FAM168B: variants seen among roughly 807,000 people sequenced by gnomAD.
FAM168B encodes family with sequence similarity 168 member B, also known as myelin-associated neurite-outgrowth inhibitor.
FAM168B carries 19 observed loss-of-function variants against 21.8 expected under a neutral mutation model. The ratio of observed to expected loss-of-function variants is 0.87; its 90% CI spans 0.61 to 1.28. The LOEUF (loss-of-function observed/expected upper bound fraction) is 1.28. Among genes scored for constraint, FAM168B ranks in the 50% most tolerant of loss-of-function variants. The probability of loss-of-function intolerance (pLI) is 0.00; values close to 1 mark genes in which losing one functional copy is unlikely to be tolerated. For synonymous variants in FAM168B, 126 were observed against 104.8 expected (o/e 1.20, Z -1.24); for missense variants, 233 against 263.1 (o/e 0.89, Z 0.79).
At chr2:131,073,000 C>G (rs1269368527) in intron 2 of FAM168B, among the ~76,000 whole-genome samples, 1 of 152,152 alleles carries the variant, frequency 6.6e-6, no homozygotes, top group African/African-American at 2.4e-5. Flanking sequence ...CCGACATTTC[C>G]TACATTACAT....
At chr2:131,060,569 T>C (rs751227984) in intron 3 of FAM168B, among the ~76,000 whole-genome samples, 6 of 152,284 alleles carry the variant, frequency 3.9e-5, no homozygotes, top group Non-Finnish European at 7.4e-5. Flanking sequence ...TTTTAAAACT[T>C]AGGGGGTAAC....
At position 131,048,003 on chromosome 2, in the gene FAM168B, G is replaced by A. The variant is rs556049785; in HGVS notation, c.*4462C>T. Reference sequence around the variant, plus strand: ...TCAGATTGCATAAAAAATTAAAATAGTATCAATTGACACCTAACTGAACTG... The same window carrying A: ...TCAGATTGCATAAAAAATTAAAATAATATCAATTGACACCTAACTGAACTG... On this transcript the variant is annotated 3_prime_UTR_variant, in exon 7 of 7. Transcript: ENST00000389915. 132 of 290,832 alleles carry A rather than the reference G, an allele frequency of 4.5e-4. No homozygotes were observed. Among genetic ancestry groups the A allele is most frequent in the Non-Finnish European group, 8.0e-4 (123 of 153,678 alleles). 18.0% of individuals were successfully genotyped at this position (290,832 alleles called of 1,614,324 possible). A position where few individuals can be genotyped will look rare whatever the true frequency, so the allele number is the denominator to read the frequency against.
Position 131,049,738 on chromosome 2 carries a change from C to A in FAM168B, c.*2727G>T. 1.0e-6 allele frequency: 1 copy of A among 985,860 alleles called. No homozygotes were observed. The highest frequency in any genetic ancestry group is 1.2e-6 in the Non-Finnish European group (1 of 829,932). The allele number at this position is 985,860 out of a possible 1,614,324, so 61.1% of individuals were successfully genotyped here. On this transcript the variant is annotated 3_prime_UTR_variant, in exon 7 of 7. Coordinates refer to ENST00000389915, the MANE Select transcript of FAM168B (RefSeq NM_001009993.4). Reference sequence around the variant, plus strand: ...AACTTCTAAAAGAATAGTAATTCAGCTGAAGGACTCCCAAATTAGGAATGT... The same window carrying A: ...AACTTCTAAAAGAATAGTAATTCAGATGAAGGACTCCCAAATTAGGAATGT...
intron 3 of FAM168B, among the ~76,000 whole-genome samples, chr2:131,067,175 A>G (rs941398929): frequency 2.0e-5 from 3 of 152,176 alleles, no homozygotes; most frequent in South Asian, 2.1e-4. Flanking sequence ...CAGCCAAACC[A>G]TATCACCACC....
In FAM168B at chr2:131,055,533, C is replaced by T. The variant is rs1420086204; in HGVS notation, c.297+20G>A. 2.5e-6 allele frequency: 4 copies of T among 1,600,910 alleles called. No individual in the cohort carries two copies. The highest frequency in any genetic ancestry group is 3.4e-6 in the Non-Finnish European group (4 of 1,175,498). ...GGTGGTATCACCCCTTCCCACACAGCAGTGTGTACCCAAGCATACCTGTGC... is the reference window on the plus strand; with the variant it reads ...GGTGGTATCACCCCTTCCCACACAGTAGTGTGTACCCAAGCATACCTGTGC... On this transcript the variant is annotated intron_variant, in intron 4 of 6. Coordinates refer to ENST00000389915, the MANE Select transcript of FAM168B (RefSeq NM_001009993.4).
intron 3 of FAM168B, among the ~76,000 whole-genome samples, chr2:131,058,167 G>A (rs1476459366): frequency 6.6e-6 from 1 of 152,150 alleles, no homozygotes; most frequent in Admixed American, 6.5e-5. Flanking sequence ...AATTTGAAAG[G>A]GAAAGAGAAT....
chr2:131,058,987 G>A (rs1692165262), intron 3 of FAM168B, among the ~76,000 whole-genome samples: 1 of 152,162 alleles, frequency 6.6e-6, no homozygotes, highest in Non-Finnish European at 1.5e-5. Flanking sequence ...ATACTCCCAG[G>A]AGACCCGGGA....
intron 3 of FAM168B, among the ~76,000 whole-genome samples, chr2:131,058,259 C>T (rs527690076): frequency 1.3e-5 from 2 of 152,266 alleles, no homozygotes; most frequent in South Asian, 2.1e-4. Flanking sequence ...ATATATTGCA[C>T]AGTGGTGAAG....
Position 131,049,455 on chromosome 2 carries a change from G to C in FAM168B, c.*3010C>G. The C allele has an allele frequency of 1.0e-6, 1 of 985,418 alleles. No homozygotes were observed. The highest frequency in any genetic ancestry group is 1.2e-6 in the Non-Finnish European group (1 of 829,942). The allele number at this position is 985,418 out of a possible 1,614,324, so 61.0% of individuals were successfully genotyped here. A position where few individuals can be genotyped will look rare whatever the true frequency, so the allele number is the denominator to read the frequency against. On this transcript the variant is annotated 3_prime_UTR_variant, in exon 7 of 7. Transcript: ENST00000389915. Reference sequence around the variant, plus strand: ...GCTCACGAGAGACATAAAAGGTTCTGGAAGTGCCTTCAGGCCCATTACCAT... The same window carrying C: ...GCTCACGAGAGACATAAAAGGTTCTCGAAGTGCCTTCAGGCCCATTACCAT...
Position 131,049,490 on chromosome 2 carries a change from T to C in FAM168B, c.*2975A>G. The C allele has an allele frequency of 1.0e-6, 1 of 985,440 alleles. No homozygotes were observed. Among genetic ancestry groups the C allele is most frequent in the Non-Finnish European group, 1.2e-6 (1 of 829,940 alleles). 61.0% of individuals were successfully genotyped at this position (985,440 alleles called of 1,614,324 possible). ...TCAGGCCCATTACCATGACTGGCCCTGACTCTGGCCCTCACAGAGCGGCAA... is the reference window on the plus strand; with the variant it reads ...TCAGGCCCATTACCATGACTGGCCCCGACTCTGGCCCTCACAGAGCGGCAA... On this transcript the variant is annotated 3_prime_UTR_variant, in exon 7 of 7. Coordinates refer to ENST00000389915, the MANE Select transcript of FAM168B (RefSeq NM_001009993.4).
chr2:131,075,455 A>G (rs1362199985), intron 2 of FAM168B, among the ~76,000 whole-genome samples: 1 of 151,440 alleles, frequency 6.6e-6, no homozygotes, highest in Non-Finnish European at 1.5e-5. Context: ...TCCCTGAAAA[A>G]CTACTGTCTT....
chr2:131,078,545 C>CA (rs1693276934), intron 2 of FAM168B, among the ~76,000 whole-genome samples: 1 of 152,308 alleles, frequency 6.6e-6, no homozygotes, highest in South Asian at 2.1e-4. Flanking sequence ...GAAATCAACT[C>CA]AGAGTCAAGA....
intron 1 of FAM168B, among the ~76,000 whole-genome samples, chr2:131,083,336 G>C (rs764586009): frequency 6.6e-6 from 1 of 152,196 alleles, no homozygotes; most frequent in African/African-American, 2.4e-5. Context: ...CCTGGCGACA[G>C]AGCGAGACTC....
rs1288525546 is a variant in FAM168B, at chr2:131,093,437, T to G, written c.-235A>C. On this transcript the variant is annotated 5_prime_UTR_variant, in exon 1 of 7. Transcript: ENST00000389915. ...CGCAGCCCGCGCTCCCCGCCGACGC[T>G]GCGCAGCCACCGGAGCCGCCGACCT... The G allele has an allele frequency of 6.6e-6, 1 of 150,922 alleles. No individual in the cohort carries two copies. Among genetic ancestry groups the G allele is most frequent in the African/African-American group, 2.4e-5 (1 of 41,182 alleles). 9.3% of individuals were successfully genotyped at this position (150,922 alleles called of 1,614,324 possible). A position where few individuals can be genotyped will look rare whatever the true frequency, so the allele number is the denominator to read the frequency against.
At chr2:131,067,334 G>A (rs940071718) in intron 3 of FAM168B, among the ~76,000 whole-genome samples, 4 of 152,110 alleles carry the variant, frequency 2.6e-5, no homozygotes, top group Admixed American at 6.5e-5. Flanking sequence ...ATTGGAAGAG[G>A]GCTAAGAAAT....
intron 1 of FAM168B, among the ~76,000 whole-genome samples, chr2:131,084,684 G>A (rs1047388890): frequency 6.6e-6 from 1 of 152,106 alleles, no homozygotes; most frequent in African/African-American, 2.4e-5. Flanking sequence ...CAGAAGTACT[G>A]TTGGGAACTG....
chr2:131,050,753 T>A lies in FAM168B; in HGVS notation c.*1712A>T. The A allele has an allele frequency of 1.0e-6, 1 of 985,412 alleles. No homozygotes were observed. Among genetic ancestry groups the A allele is most frequent in the Non-Finnish European group, 1.2e-6 (1 of 829,932 alleles). The allele number at this position is 985,412 out of a possible 1,614,324, so 61.0% of individuals were successfully genotyped here. On this transcript the variant is annotated 3_prime_UTR_variant, in exon 7 of 7. Coordinates refer to ENST00000389915, the MANE Select transcript of FAM168B (RefSeq NM_001009993.4). Reference sequence around the variant, plus strand: ...CCAACCAACTGGGGCAGAATGCTAGTGGGCATCCTCACTGGGCGCCAGTGC... The same window carrying A: ...CCAACCAACTGGGGCAGAATGCTAGAGGGCATCCTCACTGGGCGCCAGTGC...
intron 1 of FAM168B, among the ~76,000 whole-genome samples, chr2:131,088,012 G>A (rs528126606): frequency 2.3e-4 from 35 of 152,072 alleles, no homozygotes; most frequent in African/African-American, 3.6e-4. Context: ...TTGGGAGGCC[G>A]ATGAGGGCGG....
At chr2:131,054,641 G>A (rs1326504536) in intron 5 of FAM168B, among the ~76,000 whole-genome samples, 1 of 152,230 alleles carries the variant, frequency 6.6e-6, no homozygotes, top group Non-Finnish European at 1.5e-5. Context: ...AGACCAGGAG[G>A]TGAATCCACA....
Sources: allele counts gnomAD v4.1 joint callset (sites outside exome capture counted in the v4.1 genomes callset), GRCh38; gene constraint gnomAD v4.1.1; transcripts MANE v1.5; gene names NCBI Gene and HGNC (gene_info 2026-07-23, HGNC 2026-07-21).